The following BBOF1 variants were observed in gnomAD, a reference collection of about 807,000 sequenced individuals.
The protein encoded by BBOF1 is basal body-orientation factor 1.
A neutral mutation model predicts 68.0 loss-of-function variants in BBOF1; 62 were observed. That is an observed-to-expected ratio of 0.91 (90% confidence interval 0.74 to 1.13). BBOF1 has a LOEUF of 1.13. BBOF1 is among the 50% of genes most tolerant of loss of function. The probability of loss-of-function intolerance (pLI) is 0.00; values close to 1 mark genes in which losing one functional copy is unlikely to be tolerated. For synonymous variants in BBOF1, 208 were observed against 198.8 expected (o/e 1.05, Z -0.39); for missense variants, 534 against 600.1 (o/e 0.89, Z 1.15).
chr14:74,059,362 C>G (rs1350676889), intron 11 of BBOF1: 1 of 456,202 alleles, frequency 2.2e-6, no homozygotes, highest in Non-Finnish European at 4.4e-6. Context: ...TCCTTGATTT[C>G]TGGGCCTAAA....
At chr14:74,019,631 G>A (rs975184397) in intron 1 of BBOF1, 97 bp downstream of exon 1, 1 of 1,526,046 alleles carries the variant, frequency 6.6e-7, no homozygotes, top group Admixed American at 2.0e-5. Flanking sequence ...CGGCCCACTC[G>A]GACCCTCTCC....
At chr14:74,070,493 T>C (rs1288431035), downstream of BBOF1, among the ~76,000 whole-genome samples, 1 of 152,180 alleles carries the variant, frequency 6.6e-6, no homozygotes, top group African/African-American at 2.4e-5. Flanking sequence ...CTCTCCAGTC[T>C]GGGCGACAGA....
intron 11 of BBOF1, 52 bp downstream of exon 11, chr14:74,057,310 A>G (rs1463159448): frequency 2.5e-6 from 4 of 1,611,958 alleles, no homozygotes; most frequent in Admixed American, 1.7e-5. Flanking sequence ...ACCCTTCCCC[A>G]TGTCGCTTCT....
intron 10 of BBOF1, chr14:74,078,453 A>G: frequency 3.7e-6 from 1 of 271,562 alleles, no homozygotes; most frequent in Non-Finnish European, 7.3e-6. Context: ...TCCTGGGCTC[A>G]AGCCATCTTC....
In BBOF1 at chr14:74,049,924, G is replaced by A. The variant is rs762146616; in HGVS notation, c.1015G>A (p.Asp339Asn). 6.2e-7 allele frequency: 1 copy of A among 1,614,062 alleles called. No individual in the cohort carries two copies. Among genetic ancestry groups the A allele is most frequent in the Non-Finnish European group, 8.5e-7 (1 of 1,180,042 alleles). The change falls in exon 8 of 12, where the codon GAC becomes AAC. Residue 339 changes from aspartate to asparagine, a missense_variant. Physicochemically the swap from Asp to Asn is conservative, Grantham distance 23. Transcript: ENST00000394009. ...GCTGCAGCACCTTCTTCAGATGAAG[G>A]ACAGGGAAATGAATCGTGTGAAGAA... ...DKLQHLLQMK[D>N]REMNRVKKLA...
chr14:74,055,757 T>C (rs920742740), intron 9 of BBOF1, 72 bp downstream of exon 9: 12 of 1,207,274 alleles, frequency 9.9e-6, no homozygotes, highest in African/African-American at 1.5e-5. Flanking sequence ...ACAAAGAACT[T>C]ATTTTTCTTA....
chr14:74,066,705 C>T (rs1172740032), downstream of BBOF1: 4 of 1,613,818 alleles, frequency 2.5e-6, no homozygotes, highest in East Asian at 2.2e-5. Flanking sequence ...AGTTGTTCAC[C>T]TTGACATTCG....
At chr14:74,061,090 G>C (rs1418459997) in intron 11 of BBOF1, among the ~76,000 whole-genome samples, 1 of 151,800 alleles carries the variant, frequency 6.6e-6, no homozygotes, top group African/African-American at 2.4e-5. Context: ...CAGCTCTCCT[G>C]CCTCAGCCTC....
intron 5 of BBOF1, among the ~76,000 whole-genome samples, chr14:74,043,863 C>T (rs1267255539): frequency 6.6e-6 from 1 of 151,976 alleles, no homozygotes; most frequent in Non-Finnish European, 1.5e-5. Flanking sequence ...TTGCTAGTCC[C>T]TCCTTCTGGA....
chr14:74,043,181 G>T (rs1306721336), intron 5 of BBOF1, among the ~76,000 whole-genome samples: 1 of 152,016 alleles, frequency 6.6e-6, no homozygotes, highest in African/African-American at 2.4e-5. Flanking sequence ...TTGGTGTTTG[G>T]TTTGATTTTC....
rs2059811556 is a variant in BBOF1, at chr14:74,040,812, T to C, written c.576+167T>C. 12 of 550,022 alleles carry C rather than the reference T, an allele frequency of 2.2e-5. No individual in the cohort carries two copies. In the East Asian group the frequency reaches 3.8e-4, roughly 18 times the overall value. The allele number at this position is 550,022 out of a possible 1,614,324, so 34.1% of individuals were successfully genotyped here. A position where few individuals can be genotyped will look rare whatever the true frequency, so the allele number is the denominator to read the frequency against. On this transcript the variant is annotated intron_variant, in intron 5 of 11. Coordinates refer to ENST00000394009, the MANE Select transcript of BBOF1 (RefSeq NM_025057.3). Reference sequence around the variant, plus strand: ...GAGGGAAAATAAAACCTTCTAGAAATCTCAATATCTAGTCCTTGTTTTCTC... The same window carrying C: ...GAGGGAAAATAAAACCTTCTAGAAACCTCAATATCTAGTCCTTGTTTTCTC...
chr14:74,037,461 T>A (rs1208827224), intron 4 of BBOF1, among the ~76,000 whole-genome samples: 1 of 130,044 alleles, frequency 7.7e-6, no homozygotes, highest in East Asian at 2.1e-4. Context: ...CCTGGCTAAT[T>A]TTTTTTTTTT....
intron 11 of BBOF1, among the ~76,000 whole-genome samples, chr14:74,063,612 T>A (rs1045215429): frequency 4.0e-5 from 6 of 151,448 alleles, no homozygotes; most frequent in Non-Finnish European, 7.4e-5. Context: ...ATGCCTGTAA[T>A]CCCAGCACTT....
At chr14:74,076,046 A>T (rs184263777) in intron 9 of BBOF1, among the ~76,000 whole-genome samples, 2 of 152,350 alleles carry the variant, frequency 1.3e-5, no homozygotes, top group Admixed American at 6.5e-5. Flanking sequence ...ATCAGAAAGC[A>T]GAACAGTGGT....
In BBOF1 at chr14:74,065,014, C is replaced by T; in HGVS notation, c.*315C>T. The T allele has an allele frequency of 1.5e-6, 2 of 1,379,054 alleles. No homozygotes were observed. Among genetic ancestry groups the T allele is most frequent in the African/African-American group, 1.4e-5 (1 of 69,732 alleles). The allele number at this position is 1,379,054 out of a possible 1,614,324, so 85.4% of individuals were successfully genotyped here. A position where few individuals can be genotyped will look rare whatever the true frequency, so the allele number is the denominator to read the frequency against. ...TCAGAGACCAGTTTTAAATACCCAC[C>T]TTCTACCCTATCCTCTACCCCATGA... is the stretch of plus-strand genomic sequence containing the variant. On this transcript the variant is annotated 3_prime_UTR_variant, in exon 12 of 12. Transcript: ENST00000394009.
At chr14:74,048,564 G>C (rs2059999532) in intron 7 of BBOF1, 1 of 152,216 alleles carries the variant, frequency 6.6e-6, no homozygotes, top group South Asian at 2.1e-4. Context: ...CTCACAGCCT[G>C]GGGGGCGCTG....
At chr14:74,027,431 T>G (rs1047028400) in intron 2 of BBOF1, among the ~76,000 whole-genome samples, 1 of 111,228 alleles carries the variant, frequency 9.0e-6, no homozygotes, top group Non-Finnish European at 1.7e-5. Context: ...TGCCAATTAA[T>G]AAATTTCCAA....
chr14:74,036,849 A>G (rs1012846988), intron 4 of BBOF1, among the ~76,000 whole-genome samples: 1 of 151,856 alleles, frequency 6.6e-6, no homozygotes, highest in African/African-American at 2.4e-5. Context: ...TTCACCCAAA[A>G]TGAGTATTCA....
intron 1 of BBOF1, among the ~76,000 whole-genome samples, chr14:74,020,588 C>T (rs2059256887): frequency 6.6e-6 from 1 of 152,198 alleles, no homozygotes; most frequent in Admixed American, 6.5e-5. Context: ...ACTGCAACCT[C>T]TGCCTTCTGG....
Sources: allele counts gnomAD v4.1 joint callset (sites outside exome capture counted in the v4.1 genomes callset), GRCh38; gene constraint gnomAD v4.1.1; transcripts MANE v1.5; gene names NCBI Gene and HGNC (gene_info 2026-07-23, HGNC 2026-07-21).